DTWD1: variants seen among roughly 807,000 people sequenced by gnomAD.
The protein encoded by DTWD1 is tRNA-uridine aminocarboxypropyltransferase 1.
Under a neutral mutation model 30.2 loss-of-function variants are expected in DTWD1, and 27 were observed. That is an observed-to-expected ratio of 0.90 (90% CI 0.66 to 1.23). DTWD1 has a LOEUF of 1.23. Among genes scored for constraint, DTWD1 ranks in the 50% most tolerant of loss-of-function variants. The probability of loss-of-function intolerance (pLI) is 0.00; values close to 1 mark genes in which losing one functional copy is unlikely to be tolerated. For missense variants in DTWD1, 342 were observed against 348.8 expected (o/e 0.98, Z 0.15); for synonymous variants, 99 against 113.1 (o/e 0.88, Z 0.79).
Position 49,653,152 on chromosome 15 carries a change from G to C in DTWD1, c.*9574G>C, listed in dbSNP as rs2079162138. On this transcript the variant is annotated 3_prime_UTR_variant, in exon 5 of 5. Coordinates refer to ENST00000403028, the MANE Select transcript of DTWD1 (RefSeq NM_001144955.2). ...AGGTTAAACCTTACATGGTAAAAAG[G>C]ACTTTGCCTCTGTCATTAAGTTAAG... is the stretch of plus-strand genomic sequence containing the variant. 6.6e-6 allele frequency: 1 copy of C among 152,124 alleles called. No individual in the cohort carries two copies. The highest frequency in any genetic ancestry group is 1.5e-5 in the Non-Finnish European group (1 of 68,022). The allele number at this position is 152,124 out of a possible 1,614,324, so 9.4% of individuals were successfully genotyped here. A position where few individuals can be genotyped will look rare whatever the true frequency, so the allele number is the denominator to read the frequency against.
intron 2 of DTWD1, among the ~76,000 whole-genome samples, chr15:49,625,791 C>T (rs2078835544): frequency 6.6e-6 from 1 of 151,934 alleles, no homozygotes; most frequent in African/African-American, 2.4e-5. Context: ...GGTAAATGCA[C>T]GATTTGTAAA....
chr15:49,623,600 T>G (rs765759899), intron 1 of DTWD1: 2 of 152,206 alleles, frequency 1.3e-5, no homozygotes, highest in Non-Finnish European at 2.9e-5. Flanking sequence ...GGGTCGTAGA[T>G]GGACTCTAGG....
rs750142563 is a variant in DTWD1, at chr15:49,646,923, T to C, written c.*3345T>C. The stretch of plus-strand genomic sequence containing the variant: ...CTTTTTCTAGGGAAGTCAGGTGTTT[T>C]AGTCTGGATTTAGTTAGAAAAGCAG... On this transcript the variant is annotated 3_prime_UTR_variant, in exon 5 of 5. Coordinates refer to ENST00000403028, the MANE Select transcript of DTWD1 (RefSeq NM_001144955.2). 7.2e-5 allele frequency: 11 copies of C among 152,180 alleles called. No homozygotes were observed. The highest frequency in any genetic ancestry group is 1.5e-4 in the Non-Finnish European group (10 of 68,026). The allele number at this position is 152,180 out of a possible 1,614,324, so 9.4% of individuals were successfully genotyped here. A position where few individuals can be genotyped will look rare whatever the true frequency, so the allele number is the denominator to read the frequency against.
At chr15:49,627,588 A>C (rs1193581116) in intron 2 of DTWD1, among the ~76,000 whole-genome samples, 1 of 152,218 alleles carries the variant, frequency 6.6e-6, no homozygotes, top group Non-Finnish European at 1.5e-5. Context: ...ATAGCCTACT[A>C]TACACCTGGG....
At chr15:49,624,439 T>G (rs2078811486) in intron 1 of DTWD1, among the ~76,000 whole-genome samples, 1 of 152,230 alleles carries the variant, frequency 6.6e-6, no homozygotes, top group African/African-American at 2.4e-5. Flanking sequence ...AAAGTTATTT[T>G]ACCATTTTTC....
chr15:49,630,312 G>A (rs1185153774), intron 2 of DTWD1, among the ~76,000 whole-genome samples: 1 of 152,126 alleles, frequency 6.6e-6, no homozygotes, highest in Non-Finnish European at 1.5e-5. Flanking sequence ...CTTTAAATAT[G>A]TACAGTTTAA....
chr15:49,633,269 G>A (rs1240898948), intron 3 of DTWD1, among the ~76,000 whole-genome samples: 1 of 151,762 alleles, frequency 6.6e-6, no homozygotes, highest in Non-Finnish European at 1.5e-5. Context: ...TTGCTAACTG[G>A]ATATAGGGGG....
rs2079170370 is a variant in DTWD1, at chr15:49,654,924, T to A, written c.*11346T>A. On this transcript the variant is annotated 3_prime_UTR_variant, in exon 5 of 5. Coordinates refer to ENST00000403028, the MANE Select transcript of DTWD1 (RefSeq NM_001144955.2). The stretch of plus-strand genomic sequence containing the variant: ...GTTTAGTGGGCGCTCCCTTCCTGGT[T>A]TGCAGACAGCCATCTTCCTGCTATA... The A allele has an allele frequency of 6.6e-6, 1 of 152,096 alleles. No homozygotes were observed. Among genetic ancestry groups the A allele is most frequent in the Non-Finnish European group, 1.5e-5 (1 of 68,000 alleles). 9.4% of individuals were successfully genotyped at this position (152,096 alleles called of 1,614,324 possible).
intron 1 of DTWD1, among the ~76,000 whole-genome samples, chr15:49,623,222 T>C (rs1244612946): frequency 6.6e-6 from 1 of 152,192 alleles, no homozygotes; most frequent in African/African-American, 2.4e-5. Flanking sequence ...TCCAATCAAA[T>C]TTCATTTTTT....
chr15:49,641,711 C>G (rs376342120), intron 4 of DTWD1, among the ~76,000 whole-genome samples: 3 of 151,876 alleles, frequency 2.0e-5, no homozygotes, highest in East Asian at 3.9e-4. Context: ...TTTAGGTTGC[C>G]AGTTCTGTTT....
chr15:49,628,041 T>G (rs1342358404), intron 2 of DTWD1, among the ~76,000 whole-genome samples: 1 of 152,248 alleles, frequency 6.6e-6, no homozygotes, highest in East Asian at 1.9e-4. Flanking sequence ...TTTATGCTCT[T>G]ATTCTGTAAC....
intron 4 of DTWD1, among the ~76,000 whole-genome samples, chr15:49,639,284 G>T (rs986852743): frequency 1.3e-5 from 2 of 152,150 alleles, no homozygotes; most frequent in African/African-American, 4.8e-5. Flanking sequence ...TTTTGAGCCA[G>T]GTGTAGTGGC....
At chr15:49,636,862 C>G (rs2079009412) in intron 4 of DTWD1, among the ~76,000 whole-genome samples, 1 of 152,118 alleles carries the variant, frequency 6.6e-6, no homozygotes, top group Non-Finnish European at 1.5e-5. Flanking sequence ...TGATAACTTT[C>G]ATTACTTGAT....
chr15:49,645,013 A>G lies in DTWD1; in HGVS notation c.*1435A>G, dbSNP rs2079107883. Reference sequence around the variant, plus strand: ...TATACAGTGGGACACATGATGTTTTATGGGGGAAAGAGTTCTTGGTGAAAT... The same window carrying G: ...TATACAGTGGGACACATGATGTTTTGTGGGGGAAAGAGTTCTTGGTGAAAT... On this transcript the variant is annotated 3_prime_UTR_variant, in exon 5 of 5. Transcript: ENST00000403028. The G allele has an allele frequency of 6.6e-6, 1 of 152,168 alleles. No individual in the cohort carries two copies. Among genetic ancestry groups the G allele is most frequent in the Admixed American group, 6.5e-5 (1 of 15,268 alleles). The allele number at this position is 152,168 out of a possible 1,614,324, so 9.4% of individuals were successfully genotyped here. A position where few individuals can be genotyped will look rare whatever the true frequency, so the allele number is the denominator to read the frequency against.
At chr15:49,638,475 T>A (rs1389990328) in intron 4 of DTWD1, among the ~76,000 whole-genome samples, 6 of 152,210 alleles carry the variant, frequency 3.9e-5, no homozygotes, top group Admixed American at 1.3e-4. Context: ...TTGTGGCTCT[T>A]CATTGCACCA....
In DTWD1 at chr15:49,625,337, A is replaced by C; in HGVS notation, c.170A>C (p.Lys57Thr). 1 of 1,613,690 alleles carries C rather than the reference A, an allele frequency of 6.2e-7. No homozygotes were observed. Among genetic ancestry groups the C allele is most frequent in the South Asian group, 1.1e-5 (1 of 91,060 alleles). The change falls in exon 2 of 5, where the codon AAA (lysine) becomes ACA (threonine). Residue 57 changes from lysine to threonine, a missense_variant. Physicochemically the swap from Lys to Thr is moderately conservative, Grantham distance 78. Coordinates refer to ENST00000403028, the MANE Select transcript of DTWD1 (RefSeq NM_001144955.2). ...AAAGCTCAGCAAAGTGGGAGATCAA[A>C]ATGTCTCAAATGTGGTGGTTCCAGA... Reference protein sequence around the residue: ...LQKAQQSGRSKCLKCGGSRMF... With the variant: ...LQKAQQSGRSTCLKCGGSRMF...
rs2079091644 is a variant in DTWD1 at position 49,643,474 on chromosome 15, A to G, written c.811A>G (p.Arg271Gly). The G allele has an allele frequency of 1.2e-6, 2 of 1,609,746 alleles. No individual in the cohort carries two copies. The highest frequency in any genetic ancestry group is 1.3e-5 in the African/African-American group (1 of 74,744). ...YHTDILKEKY[R>G]GQYDNLLFFY... The stretch of plus-strand genomic sequence containing the variant: ...TACTGATATATTAAAAGAGAAATAC[A>G]GAGGGCAATATGACAATCTTTTATT... Residue 271 changes from arginine (R) to glycine (G), a missense_variant, in exon 5 of 5, where the codon AGA becomes GGA. Coordinates refer to ENST00000403028, the MANE Select transcript of DTWD1 (RefSeq NM_001144955.2).
Position 49,643,630 on chromosome 15 carries a change from T to C in DTWD1, c.*52T>C. On this transcript the variant is annotated 3_prime_UTR_variant, in exon 5 of 5. Coordinates refer to ENST00000403028, the MANE Select transcript of DTWD1 (RefSeq NM_001144955.2). ...TATTTTGCTAACATTAATAAACTTATATTTGTGCTTTGTTTTTTCTTAAGA... is the reference window on the plus strand; with the variant it reads ...TATTTTGCTAACATTAATAAACTTACATTTGTGCTTTGTTTTTTCTTAAGA... 2.0e-6 allele frequency: 3 copies of C among 1,503,492 alleles called. No individual in the cohort carries two copies. Among genetic ancestry groups the C allele is most frequent in the African/African-American group, 1.4e-5 (1 of 70,074 alleles). The allele number at this position is 1,503,492 out of a possible 1,614,324, so 93.1% of individuals were successfully genotyped here.
In DTWD1 at chr15:49,649,524, G is replaced by A. The variant is rs2079140288; in HGVS notation, c.*5946G>A. On this transcript the variant is annotated 3_prime_UTR_variant, in exon 5 of 5. Coordinates refer to ENST00000403028, the MANE Select transcript of DTWD1 (RefSeq NM_001144955.2). ...GGCCAAGGCAGGTGGATCGCCTGAG[G>A]TCTGGAGTTTAAGACCAGCCTGGCT... The A allele has an allele frequency of 6.6e-6, 1 of 152,228 alleles. No individual in the cohort carries two copies. Among genetic ancestry groups the A allele is most frequent in the Non-Finnish European group, 1.5e-5 (1 of 68,122 alleles). 9.4% of individuals were successfully genotyped at this position (152,228 alleles called of 1,614,324 possible). A position where few individuals can be genotyped will look rare whatever the true frequency, so the allele number is the denominator to read the frequency against.
Sources: allele counts gnomAD v4.1 joint callset (sites outside exome capture counted in the v4.1 genomes callset), GRCh38; gene constraint gnomAD v4.1.1; transcripts MANE v1.5; gene names NCBI Gene and HGNC (gene_info 2026-07-23, HGNC 2026-07-21).